ZNF609: variants seen among roughly 807,000 people sequenced by gnomAD.
The protein encoded by ZNF609 is zinc finger protein 609.
ZNF609 carries 11 observed loss-of-function variants against 109.5 expected under a neutral mutation model. That is an observed-to-expected ratio of 0.10 (90% CI 0.06 to 0.17). The LOEUF (loss-of-function observed/expected upper bound fraction) is 0.17, where lower values mean the gene tolerates loss of function less well. Among genes scored for constraint, ZNF609 ranks in the 10% least tolerant of loss-of-function variants. ZNF609 has a pLI of 1.00. For synonymous variants in ZNF609, 646 were observed against 662.0 expected, an observed-to-expected ratio of 0.98 and a Z score of 0.37; for missense variants, 1,559 against 1,772.4, an observed-to-expected ratio of 0.88 and a Z score of 2.16.
intron 2 of ZNF609, among the ~76,000 whole-genome samples, chr15:64,537,263 C>T (rs181778576): frequency 1.1e-3 from 173 of 151,506 alleles, no homozygotes; most frequent in African/African-American, 4.1e-3. Context: ...TTTGGGAGGC[C>T]GAAGCGGGTG....
chr15:64,681,585 G>C, intron 9 of ZNF609, 107 bp from the exon 10 acceptor site: 2 of 570,212 alleles, frequency 3.5e-6, no homozygotes, highest in Non-Finnish European at 3.1e-6. Context: ...GTGTCCCCTA[G>C]GGACCAGTAC....
rs1419830766 is a variant in ZNF609, at chr15:64,675,324, C to T, written c.2470C>T (p.Pro824Ser). 6.2e-7 allele frequency: 1 copy of T among 1,614,024 alleles called. No homozygotes were observed. Among genetic ancestry groups the T allele is most frequent in the South Asian group, 1.1e-5 (1 of 91,062 alleles). ...CACTACCCCTACTCAGCCCCTGACT[C>T]CCTTACATGTGGTGACCCAGAATGG... ...ENTTPTQPLTPLHVVTQNGAE... is the reference protein window; with the variant it reads ...ENTTPTQPLTSLHVVTQNGAE... The change falls in exon 5 of 10, where the codon CCC becomes TCC. Residue 824 changes from proline (P) to serine (S), a missense_variant. Transcript: ENST00000326648.
intron 3 of ZNF609, among the ~76,000 whole-genome samples, chr15:64,652,150 TGAGTAGCTGG>T (rs1461342471): frequency 2.0e-5 from 3 of 150,992 alleles, no homozygotes; most frequent in Non-Finnish European, 3.0e-5. Context: ...CTCAGCCTCC[TGAGTAGCTGG>T]GATTACAGGC....
intron 2 of ZNF609, among the ~76,000 whole-genome samples, chr15:64,533,270 C>G (rs1027852488): frequency 1.2e-4 from 19 of 152,086 alleles, no homozygotes; most frequent in African/African-American, 4.3e-4. Context: ...AGGCTGGTCT[C>G]GAACTCATGG....
chr15:64,499,792 T>C lies in ZNF609; in HGVS notation c.373T>C (p.Ser125Pro). The C allele has an allele frequency of 1.2e-6, 2 of 1,613,904 alleles. No individual in the cohort carries two copies. Among genetic ancestry groups the C allele is most frequent in the African/African-American group, 1.3e-5 (1 of 74,996 alleles). ...TAGCAAGAAAGAGGTGCAGGGGCGC[T>C]CAGGAGATGGTGCCAATGCTGGAGG... ...AASKKEVQGRSGDGANAGGLV... is the reference protein window; with the variant it reads ...AASKKEVQGRPGDGANAGGLV... The change falls in exon 2 of 10, where the codon TCA (serine) becomes CCA (proline). Residue 125 changes from serine (S) to proline (P), a missense_variant. Ser to Pro is a moderately conservative substitution (Grantham distance 74). This residue lies in a region of ZNF609 where 291 missense variants were observed against 317.8 expected (regional missense o/e 0.92). Transcript: ENST00000326648.
In ZNF609 at chr15:64,609,426, C is replaced by T. The variant is rs576379674; in HGVS notation, c.748-13401C>T. 1.1e-4 allele frequency among the ~76,000 whole-genome samples: 16 copies of T among 151,662 alleles called. No individual in the cohort carries two copies. In the East Asian group the frequency reaches 2.6e-3, roughly 25 times the overall value. On this transcript the variant is annotated intron_variant, in intron 2 of 9. Coordinates refer to ENST00000326648, the MANE Select transcript of ZNF609 (RefSeq NM_015042.2). ...TTGATCTCCTGACCTCATGATCCAC[C>T]CTCCTCGGCCTCTCAAAGTGCTGGG...
chr15:64,583,103 G>A (rs1332886484), intron 2 of ZNF609, among the ~76,000 whole-genome samples: 3 of 151,130 alleles, frequency 2.0e-5, no homozygotes, highest in East Asian at 4.0e-4. Context: ...GTGCGATCTC[G>A]ACTCACTGCA....
In ZNF609 at chr15:64,499,936, G is replaced by A. The variant is rs774870116; in HGVS notation, c.517G>A (p.Glu173Lys). Residue 173 changes from glutamate to lysine, a missense_variant, in exon 2 of 10, where the codon GAA becomes AAA. Transcript: ENST00000326648. ...ATCTAAGAGCAAGAAGGAGAGAAGC[G>A]AAGGAGTGGGGACTTGTTCAGAAAA... ...SSSKSKKERSEGVGTCSEKDP... is the reference protein window; with the variant it reads ...SSSKSKKERSKGVGTCSEKDP... The A allele has an allele frequency of 4.3e-6, 7 of 1,614,080 alleles. No homozygotes were observed. The highest frequency in any genetic ancestry group is 2.2e-5 in the East Asian group (1 of 44,874).
chr15:64,567,621 T>C (rs1595721066), intron 2 of ZNF609, among the ~76,000 whole-genome samples: 1 of 152,202 alleles, frequency 6.6e-6, no homozygotes, highest in East Asian at 1.9e-4. Flanking sequence ...ATTATCTGTA[T>C]ATTGTGGCAA....
chr15:64,624,012 C>T (rs1895915847), intron 3 of ZNF609, among the ~76,000 whole-genome samples: 1 of 152,068 alleles, frequency 6.6e-6, no homozygotes, highest in African/African-American at 2.4e-5. Flanking sequence ...TCAGTCTGCC[C>T]CTAGAAATTC....
At chr15:64,553,273 A>C (rs1321483910) in intron 2 of ZNF609, among the ~76,000 whole-genome samples, 35 of 151,356 alleles carry the variant, frequency 2.3e-4, no homozygotes, top group South Asian at 6.2e-4. Context: ...ATGCCTTAAA[A>C]AAAAAAAAAA....
At chr15:64,547,722 G>C (rs1281891574) in intron 2 of ZNF609, among the ~76,000 whole-genome samples, 1 of 151,632 alleles carries the variant, frequency 6.6e-6, no homozygotes, top group Non-Finnish European at 1.5e-5. Context: ...TAGTGCTTGG[G>C]ATACATCAGT....
intron 1 of ZNF609, among the ~76,000 whole-genome samples, chr15:64,484,754 T>C (rs782189): frequency 0.74 from 109,032 of 147,234 alleles, 43,723 homozygotes; most frequent in East Asian, 0.95. Flanking sequence ...GGCGGGCGGA[T>C]CATGAGGTCA....
At chr15:64,548,617 A>C (rs1046277063) in intron 2 of ZNF609, among the ~76,000 whole-genome samples, 11 of 152,064 alleles carry the variant, frequency 7.2e-5, no homozygotes, top group Admixed American at 3.3e-4. Context: ...CAAAAACAAA[A>C]ATTACTTGGG....
At chr15:64,558,755 A>G (rs752128234) in intron 2 of ZNF609, among the ~76,000 whole-genome samples, 2 of 152,264 alleles carry the variant, frequency 1.3e-5, no homozygotes, top group Non-Finnish European at 2.9e-5. Flanking sequence ...ACATACATAC[A>G]GTTCAAACAG....
chr15:64,533,010 C>T (rs974483185), intron 2 of ZNF609, among the ~76,000 whole-genome samples: 1 of 151,274 alleles, frequency 6.6e-6, no homozygotes, highest in East Asian at 1.9e-4. Flanking sequence ...TTTTTTGGGT[C>T]GGGGGTGGTA....
intron 2 of ZNF609, among the ~76,000 whole-genome samples, chr15:64,596,485 A>G (rs1191134617): frequency 2.0e-5 from 3 of 152,108 alleles, no homozygotes; most frequent in Non-Finnish European, 2.9e-5. Flanking sequence ...GAGTTTGCAT[A>G]TGCTGTTCCC....
chr15:64,639,744 A>G (rs1341642813), intron 3 of ZNF609, among the ~76,000 whole-genome samples: 1 of 152,170 alleles, frequency 6.6e-6, no homozygotes, highest in African/African-American at 2.4e-5. Flanking sequence ...GACACAGTTC[A>G]ATTCATAAAA....
At chr15:64,659,128 T>C (rs1471293732) in intron 3 of ZNF609, among the ~76,000 whole-genome samples, 1 of 152,150 alleles carries the variant, frequency 6.6e-6, no homozygotes, top group Non-Finnish European at 1.5e-5. Flanking sequence ...TTCTGGGAAT[T>C]CTTGGCACCT....
Sources: gnomAD v4.1 joint callset for allele counts (sites outside exome capture counted in the v4.1 genomes callset) on GRCh38, gnomAD v4.1.1 for gene constraint, gnomAD v4.1.1 regional missense constraint, MANE v1.5 for transcripts, NCBI Gene and HGNC (gene_info 2026-07-23, HGNC 2026-07-21) for gene names.